The following LRP1B variants were observed in gnomAD, a reference collection of about 807,000 sequenced individuals.
The protein encoded by LRP1B is low-density lipoprotein receptor-related protein 1B.
Under a neutral mutation model 556.6 loss-of-function variants are expected in LRP1B, and 217 were observed. That is an observed-to-expected ratio of 0.39 (90% CI 0.35 to 0.44). The LOEUF (loss-of-function observed/expected upper bound fraction) is 0.44, where lower values mean the gene tolerates loss of function less well. Among genes scored for constraint, LRP1B ranks in the 20% least tolerant of loss-of-function variants. LRP1B has a pLI of 1.00. For synonymous variants in LRP1B, 2,047 were observed against 1,865.8 expected, an observed-to-expected ratio of 1.10 and a Z score of -2.50; for missense variants, 5,053 against 5,620.8, an observed-to-expected ratio of 0.90 and a Z score of 3.23.
intron 25 of LRP1B, among the ~76,000 whole-genome samples, chr2:140,875,212 G>T (rs1366426077): frequency 6.6e-6 from 1 of 152,124 alleles, no homozygotes; most frequent in East Asian, 1.9e-4. Context: ...CTGTGATATT[G>T]TAAAGGCAGA....
chr2:141,909,385 G>T (rs1042116460), intron 1 of LRP1B, among the ~76,000 whole-genome samples: 2 of 152,010 alleles, frequency 1.3e-5, no homozygotes, highest in Admixed American at 6.6e-5. Context: ...ATGCTTAATT[G>T]TTAGATTCCT....
intron 2 of LRP1B, among the ~76,000 whole-genome samples, chr2:141,579,805 T>C (rs1202191117): frequency 1.4e-5 from 2 of 142,414 alleles, no homozygotes; most frequent in Admixed American, 1.5e-4. Context: ...GTTCATGCCA[T>C]TCTCCTGCCT....
chr2:140,407,969 A>G (rs1291929465), intron 66 of LRP1B, among the ~76,000 whole-genome samples: 1 of 151,616 alleles, frequency 6.6e-6, no homozygotes, highest in Non-Finnish European at 1.5e-5. Context: ...AAAATATGGC[A>G]TATATATACC....
intron 3 of LRP1B, among the ~76,000 whole-genome samples, chr2:141,478,018 A>G (rs1682776279): frequency 6.6e-6 from 1 of 152,164 alleles, no homozygotes; most frequent in South Asian, 2.1e-4. Flanking sequence ...AAACACTTAA[A>G]TAACTGAATT....
intron 60 of LRP1B, among the ~76,000 whole-genome samples, chr2:140,466,332 AAATT>A (rs2105335798): frequency 6.6e-6 from 1 of 152,144 alleles, no homozygotes; most frequent in South Asian, 2.1e-4. Context: ...CCTTTTTCCA[AAATT>A]AATTAGACTA....
At chr2:140,376,975 G>T (rs556246305) in intron 68 of LRP1B, among the ~76,000 whole-genome samples, 2 of 152,106 alleles carry the variant, frequency 1.3e-5, no homozygotes, top group Admixed American at 6.6e-5. Flanking sequence ...GTCAGCGGGC[G>T]GGCATTCATG....
At chr2:140,386,301 T>C (rs959954256) in intron 66 of LRP1B, among the ~76,000 whole-genome samples, 1 of 152,168 alleles carries the variant, frequency 6.6e-6, no homozygotes, top group African/African-American at 2.4e-5. Flanking sequence ...TGGCCAGGCA[T>C]GGTGGCTCAC....
intron 3 of LRP1B, among the ~76,000 whole-genome samples, chr2:141,257,607 A>G (rs975430470): frequency 1.3e-5 from 2 of 152,222 alleles, no homozygotes; most frequent in Non-Finnish European, 2.9e-5. Context: ...TGTTAGGAGG[A>G]GATCTGTTAG....
At chr2:141,311,255 C>T (rs1292889070) in intron 3 of LRP1B, among the ~76,000 whole-genome samples, 1 of 152,134 alleles carries the variant, frequency 6.6e-6, no homozygotes, top group East Asian at 1.9e-4. Context: ...TTTTGCTTTT[C>T]TTTGTTGTAA....
chr2:140,374,210 T>G (rs1448713921), intron 68 of LRP1B, among the ~76,000 whole-genome samples: 1 of 152,200 alleles, frequency 6.6e-6, no homozygotes, highest in Non-Finnish European at 1.5e-5. Flanking sequence ...AATACTCTAA[T>G]GAAGTGTCTC....
chr2:140,736,796 A>G (rs1389127090), intron 35 of LRP1B, among the ~76,000 whole-genome samples: 1 of 152,164 alleles, frequency 6.6e-6, no homozygotes. Context: ...AGGCATGGGC[A>G]AGGACTTCAT....
chr2:141,485,614 G>C (rs1452712935), intron 2 of LRP1B, among the ~76,000 whole-genome samples: 1 of 152,090 alleles, frequency 6.6e-6, no homozygotes, highest in Non-Finnish European at 1.5e-5. Flanking sequence ...TTGCTTTGGG[G>C]ATTACTCTAT....
intron 35 of LRP1B, among the ~76,000 whole-genome samples, chr2:140,762,647 C>A (rs1688966891): frequency 6.6e-6 from 1 of 151,886 alleles, no homozygotes; most frequent in Non-Finnish European, 1.5e-5. Flanking sequence ...TGAAAATGAT[C>A]CACTTACTAC....
chr2:141,372,599 G>A (rs1490152743), intron 3 of LRP1B, among the ~76,000 whole-genome samples: 1 of 151,748 alleles, frequency 6.6e-6, no homozygotes, highest in Non-Finnish European at 1.5e-5. Context: ...GGTTCTTCTT[G>A]GTTCAATCTC....
At chr2:141,918,303 A>G (rs1249384531) in intron 1 of LRP1B, among the ~76,000 whole-genome samples, 1 of 152,082 alleles carries the variant, frequency 6.6e-6, no homozygotes, top group Non-Finnish European at 1.5e-5. Context: ...AAAAAAGAAA[A>G]TCAACTTCAT....
chr2:141,591,048 C>T (rs1240646526), intron 2 of LRP1B, among the ~76,000 whole-genome samples: 1 of 152,306 alleles, frequency 6.6e-6, no homozygotes, highest in East Asian at 1.9e-4. Context: ...TTTCTTTCTA[C>T]CTCTGCCCTC....
chr2:141,260,795 T>C (rs901022701), intron 3 of LRP1B, among the ~76,000 whole-genome samples: 1 of 152,180 alleles, frequency 6.6e-6, no homozygotes, highest in Non-Finnish European at 1.5e-5. Context: ...TAGAAATTCT[T>C]TGGAAATACA....
intron 1 of LRP1B, among the ~76,000 whole-genome samples, chr2:141,873,013 A>T (rs955949633): frequency 1.3e-5 from 2 of 152,048 alleles, no homozygotes; most frequent in Non-Finnish European, 1.5e-5. Context: ...TCAATAGACC[A>T]TTGGGAAGAA....
rs112515739 is a variant in LRP1B at position 140,347,018 on chromosome 2, G to A, written c.11892+3779C>T. Among the ~76,000 whole-genome samples, 10 of 151,912 alleles carry A rather than the reference G, an allele frequency of 6.6e-5. 1 individual carries two copies. Among genetic ancestry groups the A allele is most frequent in the African/African-American group, 2.4e-4 (10 of 41,496 alleles). ...AAATCTGAGCATTTGTTTTGCTTAG[G>A]AATATTTAGGTTTTTAGTGGTAAAA... On this transcript the variant is annotated intron_variant, in intron 77 of 90. Transcript: ENST00000389484.
Sources: gnomAD v4.1 joint callset for allele counts (sites outside exome capture counted in the v4.1 genomes callset) on GRCh38, gnomAD v4.1.1 for gene constraint, MANE v1.5 for transcripts, NCBI Gene and HGNC (gene_info 2026-07-23, HGNC 2026-07-21) for gene names.